The following CSMD2 variants were observed in gnomAD, a reference collection of about 807,000 sequenced individuals.
The protein encoded by CSMD2 is CUB and sushi domain-containing protein 2.
A neutral mutation model predicts 398.5 loss-of-function variants in CSMD2; 130 were observed. That is an observed-to-expected ratio of 0.33 (90% CI 0.28 to 0.38). The LOEUF (loss-of-function observed/expected upper bound fraction) is 0.38. CSMD2 is among the 10% of genes least tolerant of loss of function. The pLI is 1.00. For missense variants in CSMD2, 3,829 were observed against 4,764.9 expected (o/e 0.80, Z 5.78); for synonymous variants, 1,828 against 1,908.5 (o/e 0.96, Z 1.10).
At chr1:33,560,528 CTT>C (rs905654533) in intron 53 of CSMD2, among the ~76,000 whole-genome samples, 1 of 152,184 alleles carries the variant, frequency 6.6e-6, no homozygotes, top group Admixed American at 6.5e-5. Flanking sequence ...TTTGCACTTG[CTT>C]TTTTCTCTAC....
chr1:33,605,151 A>G (rs1640503047), intron 42 of CSMD2, 131 bp downstream of exon 42: 5 of 868,376 alleles, frequency 5.8e-6, no homozygotes, highest in Non-Finnish European at 7.2e-6. Flanking sequence ...TGAAAACAGG[A>G]TGGACCACAG....
chr1:33,887,552 G>C (rs1309778279), intron 5 of CSMD2, among the ~76,000 whole-genome samples: 1 of 152,066 alleles, frequency 6.6e-6, no homozygotes, highest in Non-Finnish European at 1.5e-5. Flanking sequence ...TCACTCCAGA[G>C]TTTTTAAAAA....
chr1:34,053,808 C>T (rs1037711193), intron 2 of CSMD2, among the ~76,000 whole-genome samples: 1 of 152,096 alleles, frequency 6.6e-6, no homozygotes, highest in Non-Finnish European at 1.5e-5. Context: ...CAACAAGGCA[C>T]TTATAAATGC....
At chr1:34,151,154 C>T (rs1640280836) in intron 1 of CSMD2, among the ~76,000 whole-genome samples, 2 of 152,164 alleles carry the variant, frequency 1.3e-5, no homozygotes, top group Admixed American at 1.3e-4. Flanking sequence ...CTTCCTTCTT[C>T]CCCTCTCCCC....
At chr1:33,594,352 A>C (rs1214619333) in intron 44 of CSMD2, among the ~76,000 whole-genome samples, 1 of 152,010 alleles carries the variant, frequency 6.6e-6, no homozygotes, top group Non-Finnish European at 1.5e-5. Flanking sequence ...CTCCTTAAAC[A>C]TCACCTCCTT....
intron 13 of CSMD2, among the ~76,000 whole-genome samples, chr1:33,762,768 C>T (rs535108801): frequency 3.9e-5 from 6 of 152,288 alleles, no homozygotes; most frequent in Admixed American, 2.0e-4. Flanking sequence ...AAAATAAAAG[C>T]ACATGCTTAT....
intron 5 of CSMD2, among the ~76,000 whole-genome samples, chr1:33,909,508 A>G (rs1294614790): frequency 6.6e-6 from 1 of 152,104 alleles, no homozygotes; most frequent in Non-Finnish European, 1.5e-5. Flanking sequence ...CGTAAGTTCC[A>G]CAAAGGCAGA....
chr1:33,717,432 C>A (rs931985309), intron 19 of CSMD2, among the ~76,000 whole-genome samples: 1 of 151,814 alleles, frequency 6.6e-6, no homozygotes, highest in Admixed American at 6.6e-5. Flanking sequence ...GTAGGGTAGC[C>A]AAGACAGCAG....
At chr1:33,675,581 A>C (rs546817426) in intron 25 of CSMD2, among the ~76,000 whole-genome samples, 1 of 152,342 alleles carries the variant, frequency 6.6e-6, no homozygotes, top group Non-Finnish European at 1.5e-5. Flanking sequence ...CAACAGAAAA[A>C]GAGGGAATCC....
chr1:33,553,278 T>C (rs1298686350), intron 55 of CSMD2, among the ~76,000 whole-genome samples: 1 of 152,232 alleles, frequency 6.6e-6, no homozygotes. Context: ...TTGGTAATTC[T>C]CACAATATTT....
At chr1:34,090,698 T>C (rs1658463306) in intron 1 of CSMD2, among the ~76,000 whole-genome samples, 1 of 152,186 alleles carries the variant, frequency 6.6e-6, no homozygotes, top group African/African-American at 2.4e-5. Flanking sequence ...ATTCCTAAAC[T>C]GCCGTATTAA....
chr1:33,618,658 C>T (rs1570964232), intron 37 of CSMD2, among the ~76,000 whole-genome samples: 1 of 152,134 alleles, frequency 6.6e-6, no homozygotes, highest in Non-Finnish European at 1.5e-5. Flanking sequence ...TTCTGCCAGT[C>T]CATACCATCT....
chr1:33,950,383 CAGAGAG>C (rs3045848), intron 3 of CSMD2, among the ~76,000 whole-genome samples: 32,628 of 133,776 alleles, frequency 0.24, 3,807 homozygotes, highest in Middle Eastern at 0.41. Context: ...TCTCCTCCAG[CAGAGAG>C]AGAGAGAGAG....
At chr1:33,947,270 G>C (rs1368272305) in intron 3 of CSMD2, among the ~76,000 whole-genome samples, 1 of 152,144 alleles carries the variant, frequency 6.6e-6, no homozygotes, top group East Asian at 1.9e-4. Flanking sequence ...CCTCCCCCAG[G>C]GTGGGAGCCC....
At position 33,669,536 on chromosome 1, in the gene CSMD2, C is replaced by T. The variant is rs1197760197; in HGVS notation, c.4053-6444G>A. On this transcript the variant is annotated intron_variant, in intron 25 of 70. Transcript: ENST00000373381. ...TCCCCAGTTGCCTTCTCCCATTCTT[C>T]TAACCCTTTACTGATTTCCTTCTTA... Among the ~76,000 whole-genome samples the T allele has an allele frequency of 6.6e-5, 10 of 152,224 alleles. 1 individual carries two copies. Among genetic ancestry groups the T allele is most frequent in the Admixed American group, 6.5e-4 (10 of 15,286 alleles).
chr1:33,765,632 C>T (rs1001346853), intron 13 of CSMD2, among the ~76,000 whole-genome samples: 3 of 152,142 alleles, frequency 2.0e-5, no homozygotes, highest in Non-Finnish European at 4.4e-5. Context: ...TTTCTCAGAT[C>T]CATGGCAGAA....
chr1:33,851,469 A>G (rs1638704198), intron 5 of CSMD2, among the ~76,000 whole-genome samples: 1 of 152,150 alleles, frequency 6.6e-6, no homozygotes, highest in South Asian at 2.1e-4. Context: ...AATGTGAAAT[A>G]TAGGAGGTCC....
intron 15 of CSMD2, among the ~76,000 whole-genome samples, chr1:33,729,319 G>A (rs1270338341): frequency 6.6e-6 from 1 of 152,042 alleles, no homozygotes; most frequent in Non-Finnish European, 1.5e-5. Context: ...TCATTAGTTT[G>A]GCTAGTTAAT....
intron 1 of CSMD2, among the ~76,000 whole-genome samples, chr1:34,123,116 T>C (rs1400247002): frequency 6.6e-6 from 1 of 152,178 alleles, no homozygotes; most frequent in Non-Finnish European, 1.5e-5. Context: ...TTTTGTGTGA[T>C]AGGTTCAAAG....
Sources: allele counts gnomAD v4.1 joint callset (sites outside exome capture counted in the v4.1 genomes callset), GRCh38; gene constraint gnomAD v4.1.1; transcripts MANE v1.5; gene names NCBI Gene and HGNC (gene_info 2026-07-23, HGNC 2026-07-21).